Variants in SLC16A12 observed in about 807,000 individuals in gnomAD.
SLC16A12 encodes monocarboxylate transporter 12.
In SLC16A12, 17 loss-of-function variants were observed where a neutral mutation model predicts 42.4. The ratio of observed to expected loss-of-function variants is 0.40; its 90% CI spans 0.27 to 0.60. The LOEUF (loss-of-function observed/expected upper bound fraction) is 0.60. Among genes scored for constraint, SLC16A12 ranks in the 20% least tolerant of loss-of-function variants. The pLI is 0.42. For synonymous variants in SLC16A12, 224 were observed against 229.4 expected (o/e 0.98, Z 0.21); for missense variants, 544 against 623.0 (o/e 0.87, Z 1.35).
At chr10:89,436,868 A>AAAGAAAGAAAG (rs1841799972) in intron 6 of SLC16A12, among the ~76,000 whole-genome samples, 2 of 120,516 alleles carry the variant, frequency 1.7e-5, no homozygotes, top group South Asian at 3.0e-4. Context: ...GAAATAAAGA[A>AAAGAAAGAAAG]AAAGAAAGAA....
At position 89,431,109 on chromosome 10, in the gene SLC16A12, G is replaced by A. The variant is rs376864236; in HGVS notation, c.*1955C>T. 3.2e-5 allele frequency: 6 copies of A among 189,466 alleles called. No homozygotes were observed. The highest frequency in any genetic ancestry group is 1.7e-4 in the East Asian group (1 of 5,844). The allele number at this position is 189,466 out of a possible 1,614,324, so 11.7% of individuals were successfully genotyped here. A position where few individuals can be genotyped will look rare whatever the true frequency, so the allele number is the denominator to read the frequency against. On this transcript the variant is annotated 3_prime_UTR_variant, in exon 8 of 8. Transcript: ENST00000371790. ...ACCTCCTGGGTTCAAGCGATTGTCCGGCCTCAGCCTCATGAGTAGCTGGGA... is the reference window on the plus strand; with the variant it reads ...ACCTCCTGGGTTCAAGCGATTGTCCAGCCTCAGCCTCATGAGTAGCTGGGA...
intron 3 of SLC16A12, among the ~76,000 whole-genome samples, chr10:89,448,224 G>A (rs1266265366): frequency 1.3e-5 from 2 of 152,088 alleles, no homozygotes; most frequent in African/African-American, 4.8e-5. Context: ...ATTCCAATCA[G>A]GAGAATAACA....
At chr10:89,471,192 A>G (rs891962679) in intron 2 of SLC16A12, among the ~76,000 whole-genome samples, 11 of 152,328 alleles carry the variant, frequency 7.2e-5, no homozygotes, top group African/African-American at 2.6e-4. Context: ...TGTAATTACA[A>G]CCACCACAAT....
intron 2 of SLC16A12, among the ~76,000 whole-genome samples, chr10:89,521,932 C>A (rs1340746051): frequency 6.6e-6 from 1 of 152,144 alleles, no homozygotes; most frequent in Non-Finnish European, 1.5e-5. Context: ...ACCAGCTATC[C>A]TTTTGTATCT....
chr10:89,539,898 T>TTTCC (rs1279149754), upstream of SLC16A12, among the ~76,000 whole-genome samples: 6 of 148,076 alleles, frequency 4.1e-5, no homozygotes, highest in African/African-American at 1.6e-4. Context: ...TCTTTCTTTC[T>TTTCC]TTCTTTCTTT....
chr10:89,476,417 C>T (rs758580949), intron 2 of SLC16A12, among the ~76,000 whole-genome samples: 2 of 152,082 alleles, frequency 1.3e-5, no homozygotes, highest in Admixed American at 6.5e-5. Flanking sequence ...TGGAGTACTA[C>T]GGAGAACTGG....
At position 89,431,291 on chromosome 10, in the gene SLC16A12, C is replaced by A. The variant is rs1841691429; in HGVS notation, c.*1773G>T. ...GGATTACAGGCGTGAGCGACCATGC[C>A]CAGTCCCAAATATTTTTAAAATTGC... On this transcript the variant is annotated 3_prime_UTR_variant, in exon 8 of 8. Coordinates refer to ENST00000371790, the MANE Select transcript of SLC16A12 (RefSeq NM_213606.4). 1 of 152,340 alleles carries A rather than the reference C, an allele frequency of 6.6e-6. No individual in the cohort carries two copies. The highest frequency in any genetic ancestry group is 1.5e-5 in the Non-Finnish European group (1 of 68,154). The allele number at this position is 152,340 out of a possible 1,614,324, so 9.4% of individuals were successfully genotyped here. A position where few individuals can be genotyped will look rare whatever the true frequency, so the allele number is the denominator to read the frequency against.
rs1255669846 is a variant in SLC16A12 at position 89,462,526 on chromosome 10, A to T, written c.53T>A (p.Leu18Gln). ...TTCTTCTTTTCCAGGTTGCTCCAAC[A>T]GCCAAGTTATGATCTTGGAAGAGTT... ...TANSSKIITW[L>Q]LEQPGKEEKR... Residue 18 changes from leucine (L) to glutamine (Q), a missense_variant, in exon 3 of 8, where the codon CTG becomes CAG. Transcript: ENST00000371790. The T allele has an allele frequency of 1.2e-6, 2 of 1,613,570 alleles. No homozygotes were observed. The highest frequency in any genetic ancestry group is 3.3e-5 in the Admixed American group (2 of 59,968).
upstream of SLC16A12, among the ~76,000 whole-genome samples, chr10:89,538,989 T>C (rs1367062405): frequency 6.6e-6 from 1 of 152,214 alleles, no homozygotes; most frequent in Non-Finnish European, 1.5e-5. Context: ...TCTAATCACC[T>C]TGGCCTGTCT....
intron 2 of SLC16A12, among the ~76,000 whole-genome samples, chr10:89,524,369 C>T (rs1843413887): frequency 1.3e-5 from 2 of 152,182 alleles, no homozygotes; most frequent in South Asian, 2.1e-4. Context: ...CTGATGCTCT[C>T]GCTCCTGCCT....
At chr10:89,456,685 G>T (rs1842196468) in intron 3 of SLC16A12, among the ~76,000 whole-genome samples, 1 of 151,976 alleles carries the variant, frequency 6.6e-6, no homozygotes, top group African/African-American at 2.4e-5. Flanking sequence ...TATTTTTCCT[G>T]ATGCTCTCCC....
chr10:89,436,905 A>AAAGAAAGG (rs1841806265), intron 6 of SLC16A12, among the ~76,000 whole-genome samples: 2 of 150,022 alleles, frequency 1.3e-5, no homozygotes, highest in Non-Finnish European at 3.0e-5. Flanking sequence ...AGAAAGAAAG[A>AAAGAAAGG]AAGAAAGAAA....
intron 6 of SLC16A12, 143 bp downstream of exon 6, chr10:89,438,461 T>C (rs1269766108): frequency 2.5e-6 from 2 of 801,030 alleles, no homozygotes; most frequent in East Asian, 5.4e-5. Context: ...GATCTAGAAG[T>C]ACCAGCAAGG....
chr10:89,431,146 C>T lies in SLC16A12; in HGVS notation c.*1918G>A, dbSNP rs563720667. On this transcript the variant is annotated 3_prime_UTR_variant, in exon 8 of 8. Transcript: ENST00000371790. ...ATGAGTAGCTGGGACTACAGGCGCC[C>T]GCCACCACGCCTGGCTAATTTTTTG... 8.3e-5 allele frequency: 14 copies of T among 167,704 alleles called. No individual in the cohort carries two copies. The highest frequency in any genetic ancestry group is 5.5e-4 in the East Asian group (3 of 5,496). The allele number at this position is 167,704 out of a possible 1,614,324, so 10.4% of individuals were successfully genotyped here.
upstream of SLC16A12, among the ~76,000 whole-genome samples, chr10:89,537,784 G>A (rs1414594730): frequency 6.6e-6 from 1 of 152,226 alleles, no homozygotes; most frequent in African/African-American, 2.4e-5. Context: ...ACCGCACAAG[G>A]CTTCCTTTCG....
chr10:89,518,541 T>C (rs1843295081), intron 2 of SLC16A12, among the ~76,000 whole-genome samples: 1 of 152,184 alleles, frequency 6.6e-6, no homozygotes, highest in Non-Finnish European at 1.5e-5. Flanking sequence ...AGTATCTCCT[T>C]TATTCCCTTC....
chr10:89,520,400 C>T (rs1185863327), intron 2 of SLC16A12, among the ~76,000 whole-genome samples: 2 of 152,146 alleles, frequency 1.3e-5, no homozygotes, highest in Non-Finnish European at 2.9e-5. Context: ...TGACAGGTCC[C>T]ATGGTCACTA....
At chr10:89,455,467 C>G (rs1842174203) in intron 3 of SLC16A12, among the ~76,000 whole-genome samples, 1 of 152,096 alleles carries the variant, frequency 6.6e-6, no homozygotes. Flanking sequence ...TGTAAGCAGG[C>G]TTAACAAAGG....
At chr10:89,457,939 C>T (rs1206251170) in intron 3 of SLC16A12, among the ~76,000 whole-genome samples, 2 of 152,120 alleles carry the variant, frequency 1.3e-5, no homozygotes, top group Non-Finnish European at 2.9e-5. Flanking sequence ...TGGAGAAGGG[C>T]CTGGAAAACT....
Sources: gnomAD v4.1 joint callset for allele counts (sites outside exome capture counted in the v4.1 genomes callset) on GRCh38, gnomAD v4.1.1 for gene constraint, MANE v1.5 for transcripts, NCBI Gene and HGNC (gene_info 2026-07-23, HGNC 2026-07-21) for gene names.